Variants in ASB14 observed in about 807,000 individuals in gnomAD.
ASB14 encodes the protein ankyrin repeat and SOCS box protein 14.
ASB14 carries 63 observed loss-of-function variants against 55.6 expected under a neutral mutation model. The observed-to-expected ratio is 1.13, with a 90% CI of 0.92 to 1.40. ASB14 has a LOEUF of 1.40. Among genes scored for constraint, ASB14 ranks in the 40% most tolerant of loss-of-function variants. The pLI, the probability that ASB14 is intolerant of heterozygous loss-of-function variation, is 0.00. For missense variants in ASB14, 724 were observed against 710.4 expected, an observed-to-expected ratio of 1.02 and a Z score of -0.22; for synonymous variants, 256 against 259.9, an observed-to-expected ratio of 0.98 and a Z score of 0.15.
At chr3:57,274,622 G>T (rs2060972124) in intron 10 of ASB14, among the ~76,000 whole-genome samples, 2 of 152,170 alleles carry the variant, frequency 1.3e-5, no homozygotes, top group South Asian at 2.1e-4. Flanking sequence ...AGGAGGCAGA[G>T]GTTGCAGTGA....
chr3:57,278,901 G>A lies in ASB14; in HGVS notation c.907C>T (p.Pro303Ser). Reference sequence around the variant, plus strand: ...TTAATGGCAGCAAGATCCGTAACTGGAATCAGTATCTTTAGAGCTCTGAGA... The same window carrying A: ...TTAATGGCAGCAAGATCCGTAACTGAAATCAGTATCTTTAGAGCTCTGAGA... ...GHLLALKILI[P>S]VTDLAAIKQS... Residue 303 changes from proline to serine, a missense_variant, in exon 8 of 11, where the codon CCA becomes TCA. Pro to Ser is a moderately conservative substitution (Grantham distance 74). Transcript: ENST00000487349. 6.2e-7 allele frequency: 1 copy of A among 1,613,340 alleles called. No individual in the cohort carries two copies. Among genetic ancestry groups the A allele is most frequent in the Non-Finnish European group, 8.5e-7 (1 of 1,179,730 alleles).
At chr3:57,271,821 C>G (rs186691326) in intron 10 of ASB14, 13 of 152,188 alleles carry the variant, frequency 8.5e-5, no homozygotes, top group Non-Finnish European at 1.5e-5. Flanking sequence ...TAGGTCAGAT[C>G]GAAGTGCATT....
chr3:57,278,761 G>C lies in ASB14; in HGVS notation c.1047C>G (p.Asn349Lys), dbSNP rs747539927. 11 of 1,613,356 alleles carry C rather than the reference G, an allele frequency of 6.8e-6. No individual in the cohort carries two copies. The highest frequency in any genetic ancestry group is 9.3e-6 in the Non-Finnish European group (11 of 1,179,722). The change falls in exon 8 of 11, where the codon AAC becomes AAG. Residue 349 changes from asparagine to lysine, a missense_variant. Transcript: ENST00000487349. ...DVNFMLDQRINKHYDDHRKSA... is the reference protein window; with the variant it reads ...DVNFMLDQRIKKHYDDHRKSA... ...ACTTCCTGTGGTCATCGTAGTGTTT[G>C]TTAATTCTCTGATCCAGCATGAAGT...
intron 7 of ASB14, among the ~76,000 whole-genome samples, chr3:57,279,704 ATAT>A (rs994788893): frequency 3.9e-5 from 6 of 152,016 alleles, no homozygotes; most frequent in African/African-American, 7.2e-5. Flanking sequence ...GTGGTGGGAA[ATAT>A]TATTAAAATT....
rs374739602 is a variant in ASB14 at position 57,288,758 on chromosome 3, A to T, written c.178+310T>A. Among the ~76,000 whole-genome samples the T allele has an allele frequency of 5.7e-5, 7 of 123,240 alleles. No individual in the cohort carries two copies. The East Asian group carries it at 1.8e-3, about 31-fold the overall frequency. 80.9% of individuals were successfully genotyped at this position (123,240 alleles called of 152,430 possible). A position where few individuals can be genotyped will look rare whatever the true frequency, so the allele number is the denominator to read the frequency against. ...GAGACGGAGTCTCGCTCTGTTGCCC[A>T]GACTGGAGTGTGGTGGCGCAATCTC... On this transcript the variant is annotated intron_variant, in intron 3 of 10. Coordinates refer to ENST00000487349, the MANE Select transcript of ASB14 (RefSeq NM_001142733.3).
intron 5 of ASB14, among the ~76,000 whole-genome samples, chr3:57,284,094 A>ATGTGTGTGTGTGTGTGTGTGTGAGTGTG (rs2061061215): frequency 7.3e-6 from 1 of 136,488 alleles, no homozygotes; most frequent in Non-Finnish European, 1.5e-5. Context: ...AACACTGTGT[A>ATGTGTGTGTGTGTGTGTGTGTGAGTGTG]TGTGTGTGTG....
At chr3:57,282,772 G>A (rs1204328864) in intron 6 of ASB14, among the ~76,000 whole-genome samples, 1 of 152,166 alleles carries the variant, frequency 6.6e-6, no homozygotes, top group Non-Finnish European at 1.5e-5. Flanking sequence ...GACCCAAAGA[G>A]AAGAAATCAG....
intron 10 of ASB14, chr3:57,273,607 A>G (rs1365669975): frequency 2.0e-5 from 3 of 152,664 alleles, no homozygotes; most frequent in Non-Finnish European, 4.4e-5. Flanking sequence ...ATGAAAAAAA[A>G]AAGTCACTTT....
At chr3:57,283,115 T>C in intron 6 of ASB14, 79 bp downstream of exon 6, 1 of 1,476,622 alleles carries the variant, frequency 6.8e-7, no homozygotes, top group Non-Finnish European at 9.2e-7. Context: ...CTTTTATTAT[T>C]TTGAAGCTCT....
chr3:57,273,696 A>C (rs534954957), intron 10 of ASB14, among the ~76,000 whole-genome samples: 1 of 152,188 alleles, frequency 6.6e-6, no homozygotes, highest in Non-Finnish European at 1.5e-5. Flanking sequence ...AAAAGACTTC[A>C]TTAATTGACG....
chr3:57,287,582 A>G (rs1242639949), intron 5 of ASB14, among the ~76,000 whole-genome samples: 4 of 152,022 alleles, frequency 2.6e-5, no homozygotes, highest in African/African-American at 9.7e-5. Context: ...TTTTCAACCA[A>G]CTCTTCTGTT....
At position 57,288,195 on chromosome 3, in the gene ASB14, T is replaced by G. The variant is rs2061096084; in HGVS notation, c.270A>C (p.Ala90=). 1 of 1,537,002 alleles carries G rather than the reference T, an allele frequency of 6.5e-7. No individual in the cohort carries two copies. The highest frequency in any genetic ancestry group is 1.7e-4 in the Middle Eastern group (1 of 5,990). ...CCAAAATTTTCCTATTTAATTGCACTGCAGCCTTATGCAGAGGAATCCAGC... is the reference window on the plus strand; with the variant it reads ...CCAAAATTTTCCTATTTAATTGCACGGCAGCCTTATGCAGAGGAATCCAGC... ...EIGWIPLHKA[A]VQLNRKILEI... is the part of the protein sequence containing the mutation. Residue 90 remains alanine, a synonymous_variant, in exon 4 of 11, where the codon GCA becomes GCC. Coordinates refer to ENST00000487349, the MANE Select transcript of ASB14 (RefSeq NM_001142733.3).
intron 6 of ASB14, 140 bp downstream of exon 6, chr3:57,283,054 A>T: frequency 1.7e-6 from 2 of 1,212,076 alleles, no homozygotes; most frequent in Non-Finnish European, 2.2e-6. Flanking sequence ...CTCAGTAATC[A>T]CTATTAACCC....
At position 57,268,587 on chromosome 3, in the gene ASB14, T is replaced by G; in HGVS notation, c.*1054A>C. The stretch of plus-strand genomic sequence containing the variant: ...GAATTTCCAAATGAAGGGCTGTTTC[T>G]GCTTGTTCAGCCACTTCATAAACAG... On this transcript the variant is annotated 3_prime_UTR_variant, in exon 11 of 11. Transcript: ENST00000487349. The G allele has an allele frequency of 7.3e-7, 1 of 1,377,284 alleles. No individual in the cohort carries two copies. The highest frequency in any genetic ancestry group is 1.8e-5 in the South Asian group (1 of 55,176). 85.3% of individuals were successfully genotyped at this position (1,377,284 alleles called of 1,614,324 possible). A position where few individuals can be genotyped will look rare whatever the true frequency, so the allele number is the denominator to read the frequency against.
At chr3:57,278,293 G>C in intron 8 of ASB14, 84 bp downstream of exon 8, 1 of 1,066,062 alleles carries the variant, frequency 9.4e-7, no homozygotes, top group East Asian at 2.4e-5. Context: ...CCTCTGGAGA[G>C]AGTGGATGTA....
chr3:57,291,945 G>A lies in ASB14; in HGVS notation c.89C>T (p.Pro30Leu), dbSNP rs1281870053. The A allele has an allele frequency of 6.5e-6, 10 of 1,536,412 alleles. No homozygotes were observed. Among genetic ancestry groups the A allele is most frequent in the Non-Finnish European group, 8.7e-6 (10 of 1,146,178 alleles). ...IQQSLQDIYK[P>L]GTAQHAPKDE... ...CTTAGGTGCATGTTGTGCTGTTCCT[G>A]GCTTATAAATATCCTGCAAACTCTG... The change falls in exon 2 of 11, where the codon CCA (proline) becomes CTA (leucine). Residue 30 changes from proline to leucine, a missense_variant. By Grantham distance (98) the Pro-to-Leu change is moderately conservative. Transcript: ENST00000487349.
intron 10 of ASB14, among the ~76,000 whole-genome samples, chr3:57,274,282 A>C (rs2060969744): frequency 1.3e-5 from 2 of 152,208 alleles, no homozygotes. Flanking sequence ...AAAATGGACG[A>C]TATCATTCTA....
At position 57,283,337 on chromosome 3, in the gene ASB14, GC is replaced by G. The variant is rs1207808339; in HGVS notation, c.571del (p.Ala191ProfsTer9). ...ANERTALHEA[A>X]KLGREDMVKL... ...CACCATGTCCTCTCTGCCCAGTTTG[GC>G]TGCTTCGTGGAGAGCTGTCCTCTCG... On this transcript the variant is annotated frameshift_variant, in exon 6 of 11. Transcript: ENST00000487349. LOFTEE classifies it high-confidence loss of function. The G allele has an allele frequency of 1.9e-5, 29 of 1,551,642 alleles. No homozygotes were observed. The highest frequency in any genetic ancestry group is 2.4e-5 in the Non-Finnish European group (27 of 1,147,022).
Position 57,288,013 on chromosome 3 carries a change from C to T in ASB14, c.357G>A (p.Thr119=), listed in dbSNP as rs184478299. The part of the protein sequence containing the change: ...LWEQTTHNGE[T]PLFLAVSSCL... Reference sequence around the variant, plus strand: ...AACTGCTGACAGCCAAAAAAAGTGGCGTTTCACCATTGTGAGTGGTTTGCT... The same window carrying T: ...AACTGCTGACAGCCAAAAAAAGTGGTGTTTCACCATTGTGAGTGGTTTGCT... The change falls in exon 5 of 11, where the codon ACG becomes ACA. Residue 119 remains threonine (T), a synonymous_variant. Coordinates refer to ENST00000487349, the MANE Select transcript of ASB14 (RefSeq NM_001142733.3). The T allele has an allele frequency of 9.7e-5, 149 of 1,537,314 alleles. 1 individual carries two copies. In the African/African-American group the frequency reaches 1.9e-3, roughly 19 times the overall value.
Sources: gnomAD v4.1 joint callset for allele counts (sites outside exome capture counted in the v4.1 genomes callset) on GRCh38, gnomAD v4.1.1 for gene constraint, MANE v1.5 for transcripts, NCBI Gene and HGNC (gene_info 2026-07-23, HGNC 2026-07-21) for gene names.